Variants in GCA observed in about 807,000 individuals in gnomAD.
GCA encodes the protein grancalcin, EF-hand calcium-binding protein.
In GCA, 30 loss-of-function variants were observed where a neutral mutation model predicts 32.6. That is an observed-to-expected ratio of 0.92 (90% confidence interval 0.69 to 1.25). The LOEUF (loss-of-function observed/expected upper bound fraction) is 1.25. Ranked by LOEUF, GCA falls within the 50% of genes most tolerant of loss-of-function variation. The probability of loss-of-function intolerance (pLI) is 0.00; values close to 1 mark genes in which losing one functional copy is unlikely to be tolerated. For synonymous variants in GCA, 102 were observed against 84.6 expected, an observed-to-expected ratio of 1.21 and a Z score of -1.13; for missense variants, 291 against 266.8, an observed-to-expected ratio of 1.09 and a Z score of -0.63.
chr2:162,354,864 TC>T (rs1005676150), intron 3 of GCA, among the ~76,000 whole-genome samples: 4 of 152,182 alleles, frequency 2.6e-5, no homozygotes, highest in Non-Finnish European at 4.4e-5. Flanking sequence ...AAGTGAAAAA[TC>T]TGTCAACTTT....
intron 1 of GCA, 71 bp from the exon 2 acceptor site, chr2:162,347,507 C>T: frequency 1.0e-6 from 1 of 962,214 alleles, no homozygotes; most frequent in Non-Finnish European, 1.5e-6. Context: ...CTAATAATTT[C>T]TTTTAATCCA....
chr2:162,337,751 C>T (rs12468951), intron 1 of GCA, among the ~76,000 whole-genome samples: 16,180 of 152,038 alleles, frequency 0.11, 1,945 homozygotes, highest in African/African-American at 0.26. Context: ...TACTTCAGTT[C>T]CTAATTTTGG....
At chr2:162,325,205 C>T (rs1171839485) in intron 1 of GCA, among the ~76,000 whole-genome samples, 2 of 152,144 alleles carry the variant, frequency 1.3e-5, no homozygotes, top group East Asian at 3.9e-4. Flanking sequence ...ACTGTTGTTG[C>T]CATATCCTTA....
intron 1 of GCA, among the ~76,000 whole-genome samples, chr2:162,333,254 T>C (rs1397481946): frequency 6.6e-6 from 1 of 152,130 alleles, no homozygotes; most frequent in Admixed American, 6.5e-5. Flanking sequence ...AATGAAAGAA[T>C]GGATGAGTAA....
intron 1 of GCA, among the ~76,000 whole-genome samples, chr2:162,334,975 C>A (rs1290396934): frequency 6.6e-6 from 1 of 152,150 alleles, no homozygotes; most frequent in Non-Finnish European, 1.5e-5. Context: ...TTTGGTAAAA[C>A]TGCTCCTAGA....
chr2:162,352,517 C>G (rs891607665), intron 3 of GCA, 110 bp downstream of exon 3: 3 of 704,062 alleles, frequency 4.3e-6, no homozygotes, highest in Non-Finnish European at 7.5e-6. Flanking sequence ...TATACATGCA[C>G]ATAGTTTAAG....
chr2:162,359,556 A>G lies in GCA; in HGVS notation c.627+4A>G, dbSNP rs1490361988. ...TGCGAATTTCATATATGACGATGTG[A>G]GTATCCTGCTTTTGATATTTATACT... On this transcript the variant is annotated splice_donor_region_variant and intron_variant, in intron 7 of 7. Coordinates refer to ENST00000437150, the MANE Select transcript of GCA (RefSeq NM_012198.5). The G allele has an allele frequency of 6.7e-7, 1 of 1,488,676 alleles. No homozygotes were observed. Among genetic ancestry groups the G allele is most frequent in the African/African-American group, 1.4e-5 (1 of 71,838 alleles). The allele number at this position is 1,488,676 out of a possible 1,614,324, so 92.2% of individuals were successfully genotyped here.
chr2:162,322,705 A>G (rs1683724280), intron 1 of GCA, among the ~76,000 whole-genome samples: 2 of 150,578 alleles, frequency 1.3e-5, no homozygotes, highest in Admixed American at 1.3e-4. Context: ...ATGATTTCCA[A>G]TTTCATCCAT....
At chr2:162,352,543 A>G (rs1447556575) in intron 3 of GCA, 136 bp downstream of exon 3, 1 of 601,974 alleles carries the variant, frequency 1.7e-6, no homozygotes, top group Admixed American at 3.1e-5. Flanking sequence ...AAATAACTGT[A>G]AAACTCGTTA....
downstream of GCA, among the ~76,000 whole-genome samples, chr2:162,374,390 A>G (rs753401938): frequency 5.9e-5 from 9 of 152,172 alleles, no homozygotes; most frequent in Non-Finnish European, 1.2e-4. Context: ...ATTAAAATTT[A>G]AGGGAAAATA....
At chr2:162,341,540 A>G (rs1250944566), upstream of GCA, among the ~76,000 whole-genome samples, 1 of 152,104 alleles carries the variant, frequency 6.6e-6, no homozygotes, top group Non-Finnish European at 1.5e-5. Context: ...ATAGTTAGAC[A>G]TAATCCTGTA....
chr2:162,340,122 T>C (rs989105316), upstream of GCA, among the ~76,000 whole-genome samples: 1 of 152,194 alleles, frequency 6.6e-6, no homozygotes, highest in Non-Finnish European at 1.5e-5. Flanking sequence ...ATCCTCCCTC[T>C]CTAAAAATAA....
At chr2:162,374,249 G>A (rs902476704), downstream of GCA, among the ~76,000 whole-genome samples, 5 of 152,000 alleles carry the variant, frequency 3.3e-5, no homozygotes, top group African/African-American at 1.2e-4. Flanking sequence ...ATGGCCTTTG[G>A]TATGTAAGAA....
intron 1 of GCA, among the ~76,000 whole-genome samples, chr2:162,327,008 C>G (rs190871262): frequency 1.3e-5 from 2 of 152,188 alleles, no homozygotes; most frequent in Admixed American, 6.5e-5. Flanking sequence ...CTCACCTATG[C>G]CTCCCTTTCT....
At chr2:162,342,222 C>G (rs1453792847), upstream of GCA, among the ~76,000 whole-genome samples, 1 of 152,164 alleles carries the variant, frequency 6.6e-6, no homozygotes. Flanking sequence ...AAGTCCTCCT[C>G]TGCATCTTCA....
At chr2:162,337,923 G>T (rs546747624) in intron 1 of GCA, among the ~76,000 whole-genome samples, 1 of 152,122 alleles carries the variant, frequency 6.6e-6, no homozygotes, top group Non-Finnish European at 1.5e-5. Context: ...CATTATGATC[G>T]GGGTCTCCTG....
chr2:162,370,335 G>T (rs1386627517), intron 4 of GCA, among the ~76,000 whole-genome samples: 4 of 152,092 alleles, frequency 2.6e-5, no homozygotes, highest in Non-Finnish European at 4.4e-5. Context: ...ATGGATCAGA[G>T]TTCATAATTT....
chr2:162,318,975 G>C, upstream of GCA: 1 of 353,198 alleles, frequency 2.8e-6, no homozygotes, highest in Non-Finnish European at 5.7e-6. Context: ...AAAAGCATGT[G>C]ATTTGGGACT....
chr2:162,368,186 C>G (rs958015135), intron 4 of GCA, among the ~76,000 whole-genome samples: 1 of 151,958 alleles, frequency 6.6e-6, no homozygotes, highest in African/African-American at 2.4e-5. Context: ...GAGGACCACT[C>G]TTTGAGGACC....
Sources: allele counts gnomAD v4.1 joint callset (sites outside exome capture counted in the v4.1 genomes callset), GRCh38; gene constraint gnomAD v4.1.1; transcripts MANE v1.5; gene names NCBI Gene and HGNC (gene_info 2026-07-23, HGNC 2026-07-21).